The following PPEF1 variants were observed in gnomAD, a reference collection of about 807,000 sequenced individuals.
PPEF1 encodes the protein protein phosphatase with EF-hand domain 1.
A neutral mutation model predicts 53.3 loss-of-function variants in PPEF1; 12 were observed. The observed-to-expected ratio is 0.23, with a 90% CI of 0.14 to 0.36. PPEF1 has a LOEUF of 0.36. Ranked by LOEUF, PPEF1 falls within the 10% of genes least tolerant of loss-of-function variation. PPEF1 has a pLI of 1.00. For synonymous variants in PPEF1, 165 were observed against 176.7 expected, an observed-to-expected ratio of 0.93 and a Z score of 0.52; for missense variants, 334 against 490.4, an observed-to-expected ratio of 0.68 and a Z score of 3.01.
intron 4 of PPEF1, among the ~76,000 whole-genome samples, chrX:18,693,100 C>T (rs1929500603): frequency 1.8e-5 from 2 of 112,251 alleles, no homozygotes; most frequent in South Asian, 7.3e-4. Flanking sequence ...CACTGGGCTG[C>T]GATTTCTGGA....
At chrX:18,682,487 C>G (rs935292871), upstream of PPEF1, among the ~76,000 whole-genome samples, 1 of 111,956 alleles carries the variant, frequency 8.9e-6, no homozygotes, top group Non-Finnish European at 1.9e-5. Context: ...GCATGAAAGA[C>G]GTCCACGACC....
At chrX:18,718,627 C>CA (rs1252204134) in intron 1 of PPEF1, among the ~76,000 whole-genome samples, 1 of 111,637 alleles carries the variant, frequency 9.0e-6, no homozygotes, top group Non-Finnish European at 1.9e-5. Context: ...CAACACAACA[C>CA]AAAACCCAAA....
chrX:18,809,465 G>C (rs2147709721), intron 12 of PPEF1, among the ~76,000 whole-genome samples: 1 of 110,738 alleles, frequency 9.0e-6, no homozygotes, highest in Admixed American at 9.8e-5. Context: ...CAGCACTTTG[G>C]GAGGCCGAGG....
intron 4 of PPEF1, among the ~76,000 whole-genome samples, chrX:18,751,759 G>A (rs956349391): frequency 8.9e-6 from 1 of 112,188 alleles, no homozygotes; most frequent in African/African-American, 3.2e-5. Context: ...TAGCCTGGGC[G>A]AGAAAGCGAG....
intron 13 of PPEF1, among the ~76,000 whole-genome samples, chrX:18,819,365 C>A (rs1244618944): frequency 1.8e-5 from 2 of 111,735 alleles, no homozygotes; most frequent in African/African-American, 6.5e-5. Flanking sequence ...AGATTAGACG[C>A]TACTCAAGAA....
chrX:18,776,087 T>A (rs1177918537), intron 6 of PPEF1, among the ~76,000 whole-genome samples: 1 of 112,255 alleles, frequency 8.9e-6, no homozygotes, highest in Admixed American at 9.4e-5. Context: ...GACCTGGACA[T>A]CCCAACAGAG....
upstream of PPEF1, among the ~76,000 whole-genome samples, chrX:18,675,498 C>T (rs1048224846): frequency 8.8e-6 from 1 of 113,238 alleles, no homozygotes; most frequent in Non-Finnish European, 1.9e-5. Context: ...GACCTCTACC[C>T]GCTCCCCTGC....
chrX:18,736,050 A>G (rs1310448254), intron 3 of PPEF1, among the ~76,000 whole-genome samples: 2 of 111,535 alleles, frequency 1.8e-5, no homozygotes, highest in South Asian at 3.7e-4. Context: ...GGGTTTTCTA[A>G]ATATACAATC....
chrX:18,736,639 C>T (rs2044988852), intron 3 of PPEF1, among the ~76,000 whole-genome samples: 1 of 111,766 alleles, frequency 8.9e-6, no homozygotes, highest in South Asian at 3.7e-4. Context: ...TGGTGCTGGC[C>T]TCATAAAATG....
upstream of PPEF1, among the ~76,000 whole-genome samples, chrX:18,680,197 G>A (rs1177142953): frequency 9.1e-6 from 1 of 109,729 alleles, no homozygotes; most frequent in Non-Finnish European, 1.9e-5. Context: ...CTCCTGCCTC[G>A]GGGCCTTTGC....
intron 9 of PPEF1, among the ~76,000 whole-genome samples, chrX:18,788,636 T>C (rs890146855): frequency 9.0e-6 from 1 of 111,688 alleles, no homozygotes; most frequent in Non-Finnish European, 1.9e-5. Flanking sequence ...TCTGAAGTTT[T>C]CAACCTATGT....
intron 1 of PPEF1, among the ~76,000 whole-genome samples, chrX:18,713,183 A>C (rs1047779348): frequency 8.9e-6 from 1 of 111,741 alleles, no homozygotes; most frequent in Non-Finnish European, 1.9e-5. Context: ...GGAAGAGTTC[A>C]TGAAGAATTG....
At chrX:18,735,395 C>T (rs2044951512) in intron 3 of PPEF1, among the ~76,000 whole-genome samples, 1 of 111,943 alleles carries the variant, frequency 8.9e-6, no homozygotes, top group African/African-American at 3.2e-5. Flanking sequence ...ACCCTTTCCC[C>T]ATTTCTTGTG....
intron 3 of PPEF1, among the ~76,000 whole-genome samples, chrX:18,742,980 G>A (rs1464339482): frequency 8.9e-6 from 1 of 112,478 alleles, no homozygotes; most frequent in Non-Finnish European, 1.9e-5. Context: ...GGCCTCTTAA[G>A]GCCTATGTGC....
At chrX:18,711,473 A>C (rs770488608) in intron 1 of PPEF1, among the ~76,000 whole-genome samples, 1 of 111,650 alleles carries the variant, frequency 9.0e-6, no homozygotes, top group South Asian at 3.7e-4. Context: ...AAGGCCAAAA[A>C]AAGTTTTGTA....
At chrX:18,698,925 C>G (rs923631980) in intron 5 of PPEF1, among the ~76,000 whole-genome samples, 1 of 111,800 alleles carries the variant, frequency 8.9e-6, no homozygotes, top group East Asian at 2.8e-4. Flanking sequence ...CTTTGAGAGC[C>G]AGAAGACAGA....
rs554028478 is a variant in PPEF1 at position 18,807,091 on chromosome X, G to A, written c.1394+546G>A. On this transcript the variant is annotated intron_variant, in intron 12 of 15. Transcript: ENST00000470157. ...GCAGCCCAGGCTGGAGTGCAGTGGCGTGATCTCAGCTCCCTGCAACCTCTG... is the reference window on the plus strand; with the variant it reads ...GCAGCCCAGGCTGGAGTGCAGTGGCATGATCTCAGCTCCCTGCAACCTCTG... Among the ~76,000 whole-genome samples the A allele has an allele frequency of 3.7e-4, 40 of 109,408 alleles. No individual in the cohort carries two copies. In the South Asian group the frequency reaches 0.013, roughly 35 times the overall value.
At chrX:18,716,627 AATTTG>A (rs1254790159) in intron 1 of PPEF1, among the ~76,000 whole-genome samples, 1 of 109,496 alleles carries the variant, frequency 9.1e-6, no homozygotes, top group African/African-American at 3.3e-5. Flanking sequence ...CCTTACTCCC[AATTTG>A]AAGTCCTTTA....
intron 10 of PPEF1, among the ~76,000 whole-genome samples, chrX:18,796,735 A>G (rs927860145): frequency 8.9e-6 from 1 of 111,790 alleles, no homozygotes; most frequent in African/African-American, 3.2e-5. Context: ...GAGAAATGGA[A>G]TTCATCATTG....
Sources: gnomAD v4.1 joint callset for allele counts (sites outside exome capture counted in the v4.1 genomes callset) on GRCh38, gnomAD v4.1.1 for gene constraint, MANE v1.5 for transcripts, NCBI Gene and HGNC (gene_info 2026-07-23, HGNC 2026-07-21) for gene names.